DCAF8: variants seen among roughly 807,000 people sequenced by gnomAD.
DCAF8 encodes the protein DDB1 and CUL4 associated factor 8.
DCAF8 carries 20 observed loss-of-function variants against 68.0 expected under a neutral mutation model. The observed-to-expected ratio is 0.29, with a 90% CI of 0.21 to 0.43. DCAF8 has a LOEUF of 0.43. Ranked by LOEUF, DCAF8 falls within the 20% of genes least tolerant of loss-of-function variation. The pLI is 1.00. For missense variants in DCAF8, 460 were observed against 771.0 expected (o/e 0.60, Z 4.78); for synonymous variants, 230 against 276.9 (o/e 0.83, Z 1.68).
chr1:160,262,340 T>C lies in DCAF8; in HGVS notation c.-101+109A>G, dbSNP rs974681190. 1.3e-5 allele frequency: 5 copies of C among 399,364 alleles called. No individual in the cohort carries two copies. In the Admixed American group the frequency reaches 1.3e-4, roughly 11 times the overall value. 24.7% of individuals were successfully genotyped at this position (399,364 alleles called of 1,614,324 possible). On this transcript the variant is annotated intron_variant, in intron 1 of 13. Coordinates refer to ENST00000368074, the MANE Select transcript of DCAF8 (RefSeq NM_015726.4). ...TTACAAGCACGGGAATCGGCGAGGC[T>C]CAGCAGCCCGCTTCCCGTCTTGGGT...
chr1:160,256,012 CTTT>C (rs11284812), intron 2 of DCAF8, among the ~76,000 whole-genome samples: 2,172 of 75,386 alleles, frequency 0.029, 103 homozygotes, highest in African/African-American at 0.11. Flanking sequence ...ACTAAGCAAA[CTTT>C]TTTTTTTTTT....
At chr1:160,261,846 A>G (rs1413449813) in intron 1 of DCAF8, 1 of 152,496 alleles carries the variant, frequency 6.6e-6, no homozygotes, top group Non-Finnish European at 1.5e-5. Flanking sequence ...AAACTAAGAT[A>G]ATTATATTAC....
chr1:160,243,872 A>G lies in DCAF8; in HGVS notation c.49+88T>C, dbSNP rs927358003. ...ACAGGAAAGTTTCCCTCTCTCCACT[A>G]AAATCCAGGCCTCCACTCTATCTTG... is the stretch of plus-strand genomic sequence containing the variant. On this transcript the variant is annotated intron_variant, in intron 3 of 13. Coordinates refer to ENST00000368074, the MANE Select transcript of DCAF8 (RefSeq NM_015726.4). 23 of 1,364,266 alleles carry G rather than the reference A, an allele frequency of 1.7e-5. No homozygotes were observed. The East Asian group carries it at 5.3e-4, about 31-fold the overall frequency. 84.5% of individuals were successfully genotyped at this position (1,364,266 alleles called of 1,614,324 possible). A position where few individuals can be genotyped will look rare whatever the true frequency, so the allele number is the denominator to read the frequency against.
chr1:160,258,792 T>C (rs953907879), intron 2 of DCAF8, among the ~76,000 whole-genome samples: 53 of 152,088 alleles, frequency 3.5e-4, no homozygotes, highest in Admixed American at 3.3e-3. Context: ...AAGTTTACAG[T>C]GTGGTCCACA....
chr1:160,256,648 G>A (rs1656847245), intron 2 of DCAF8, among the ~76,000 whole-genome samples: 1 of 152,054 alleles, frequency 6.6e-6, no homozygotes, highest in Admixed American at 6.5e-5. Context: ...TCCTTAAACA[G>A]TAACTTCAGA....
In DCAF8 at chr1:160,247,483, T is replaced by C. The variant is rs187962166; in HGVS notation, c.-26-3449A>G. Among the ~76,000 whole-genome samples the C allele has an allele frequency of 7.7e-4, 117 of 152,370 alleles. 1 individual carries two copies. Among genetic ancestry groups the C allele is most frequent in the Admixed American group, 7.6e-3 (116 of 15,308 alleles). On this transcript the variant is annotated intron_variant, in intron 2 of 13. Transcript: ENST00000368074. ...AAAGAGATACCAAGTGTCTCTTGTT[T>C]AAAACTACTGGGGCTGCTCTTTTCC...
chr1:160,250,243 C>A (rs777167629), intron 2 of DCAF8, among the ~76,000 whole-genome samples: 9 of 152,166 alleles, frequency 5.9e-5, no homozygotes, highest in Non-Finnish European at 1.3e-4. Flanking sequence ...GCGGGCAGAT[C>A]ACCTGAGGTC....
chr1:160,244,057 C>A (rs759290175), intron 2 of DCAF8, 23 bp from the exon 3 acceptor site: 4 of 1,592,256 alleles, frequency 2.5e-6, no homozygotes, highest in Non-Finnish European at 3.4e-6. Context: ...GAGGAAGAAA[C>A]CAAAACAATT....
rs953351708 is a variant in DCAF8 at position 160,217,364 on chromosome 1, G to C, written c.*228C>G. 3 of 420,444 alleles carry C rather than the reference G, an allele frequency of 7.1e-6. No individual in the cohort carries two copies. The highest frequency in any genetic ancestry group is 6.1e-5 in the African/African-American group (3 of 49,206). The allele number at this position is 420,444 out of a possible 1,614,324, so 26.0% of individuals were successfully genotyped here. On this transcript the variant is annotated 3_prime_UTR_variant, in exon 14 of 14. Coordinates refer to ENST00000368074, the MANE Select transcript of DCAF8 (RefSeq NM_015726.4). ...TTTGGGGAGAGGCCATTTCTGCCGA[G>C]TCCTATGCACCTCTCCATAGAGCCC...
At chr1:160,237,760 T>C (rs1458463046) in intron 5 of DCAF8, among the ~76,000 whole-genome samples, 5 of 152,012 alleles carry the variant, frequency 3.3e-5, no homozygotes, top group Non-Finnish European at 2.9e-5. Context: ...GGCTGGTCTT[T>C]AACTGCTGGC....
intron 7 of DCAF8, 93 bp downstream of exon 7, chr1:160,231,204 T>C (rs140685497): frequency 1.4e-5 from 12 of 857,242 alleles, no homozygotes; most frequent in Non-Finnish European, 2.2e-5. Context: ...TGGATTCCTA[T>C]AAAATTCGTA....
chr1:160,237,097 G>T, intron 6 of DCAF8, 38 bp downstream of exon 6: 1 of 1,406,164 alleles, frequency 7.1e-7, no homozygotes, highest in South Asian at 1.3e-5. Flanking sequence ...TCAAGGCTAA[G>T]AGATACAGTT....
chr1:160,231,618 A>G (rs1180661639), intron 6 of DCAF8, among the ~76,000 whole-genome samples: 3 of 152,290 alleles, frequency 2.0e-5, no homozygotes, highest in Non-Finnish European at 1.5e-5. Flanking sequence ...GGGATTGGGG[A>G]AAAAAATATG....
rs141055794 is a variant in DCAF8 at position 160,240,027 on chromosome 1, A to T, written c.393T>A (p.Asp131Glu). The T allele has an allele frequency of 1.2e-6, 2 of 1,614,090 alleles. No homozygotes were observed. The highest frequency in any genetic ancestry group is 1.3e-5 in the African/African-American group (1 of 74,940). ...CCCAGTCCTCTAGGGCCCGCTCATC[A>T]TCTGATGAGTCCTGGTCACGGTTAG... ...KRANRDQDSS[D>E]DERALEDWVS... Residue 131 changes from aspartate to glutamate, a missense_variant, in exon 4 of 14, where the codon GAT becomes GAA. Coordinates refer to ENST00000368074, the MANE Select transcript of DCAF8 (RefSeq NM_015726.4).
At chr1:160,227,657 T>C (rs1655524320) in intron 7 of DCAF8, among the ~76,000 whole-genome samples, 2 of 152,238 alleles carry the variant, frequency 1.3e-5, no homozygotes, top group South Asian at 4.1e-4. Flanking sequence ...TTTAAGCTGG[T>C]AAACTGGCAA....
chr1:160,257,463 T>C (rs955510988), intron 2 of DCAF8, among the ~76,000 whole-genome samples: 2 of 152,228 alleles, frequency 1.3e-5, no homozygotes, highest in African/African-American at 4.8e-5. Context: ...AGCATTTTAA[T>C]AGTCACTTTA....
intron 3 of DCAF8, among the ~76,000 whole-genome samples, chr1:160,242,325 C>T (rs1338198326): frequency 6.6e-6 from 1 of 150,926 alleles, no homozygotes; most frequent in South Asian, 2.1e-4. Flanking sequence ...TTATGAAGTA[C>T]AGAAATTTGA....
In DCAF8 at chr1:160,225,696, T is replaced by C. The variant is rs369944779; in HGVS notation, c.1071-33A>G. ...TGGAAAAGCAATGAAAATGTAAAAATGTACAAACGAAACCCTTGAAGAGCT... is the reference window on the plus strand; with the variant it reads ...TGGAAAAGCAATGAAAATGTAAAAACGTACAAACGAAACCCTTGAAGAGCT... On this transcript the variant is annotated intron_variant, in intron 7 of 13. Coordinates refer to ENST00000368074, the MANE Select transcript of DCAF8 (RefSeq NM_015726.4). 114 of 1,579,734 alleles carry C rather than the reference T, an allele frequency of 7.2e-5. No individual in the cohort carries two copies. The Middle Eastern group carries it at 1.5e-3, about 21-fold the overall frequency.
At chr1:160,236,329 TAC>T (rs1254760018) in intron 6 of DCAF8, among the ~76,000 whole-genome samples, 10 of 151,904 alleles carry the variant, frequency 6.6e-5, no homozygotes, top group East Asian at 1.9e-4. Context: ...TGTATATAAA[TAC>T]ATATGTGTGT....
Sources: gnomAD v4.1 joint callset for allele counts (sites outside exome capture counted in the v4.1 genomes callset) on GRCh38, gnomAD v4.1.1 for gene constraint, MANE v1.5 for transcripts, NCBI Gene and HGNC (gene_info 2026-07-23, HGNC 2026-07-21) for gene names.